Variants in HROB observed in about 807,000 individuals in gnomAD.
HROB encodes the protein homologous recombination OB-fold protein.
Under a neutral mutation model 61.0 loss-of-function variants are expected in HROB, and 44 were observed. The observed-to-expected ratio is 0.72, with a 90% CI of 0.57 to 0.93. HROB has a LOEUF of 0.93. Ranked by LOEUF, HROB falls within the 40% of genes least tolerant of loss-of-function variation. The pLI, the probability that HROB is intolerant of heterozygous loss-of-function variation, is 0.00. For missense variants in HROB, 716 were observed against 796.2 expected (o/e 0.90, Z 1.21); for synonymous variants, 301 against 310.4 (o/e 0.97, Z 0.32).
At chr17:44,144,761 A>G (rs1390545210) in intron 1 of HROB, among the ~76,000 whole-genome samples, 1 of 109,468 alleles carries the variant, frequency 9.1e-6, no homozygotes, top group East Asian at 3.1e-4. Flanking sequence ...TTTTTTTTTG[A>G]TACAGACTCA....
chr17:44,144,565 C>G (rs111635923), intron 1 of HROB, among the ~76,000 whole-genome samples: 2 of 151,848 alleles, frequency 1.3e-5, no homozygotes, highest in Non-Finnish European at 2.9e-5. Flanking sequence ...CATGAGCCAC[C>G]GTGCCTGGCA....
At chr17:44,158,449 C>A (rs139915335) in intron 9 of HROB, among the ~76,000 whole-genome samples, 1 of 152,150 alleles carries the variant, frequency 6.6e-6, no homozygotes, top group Non-Finnish European at 1.5e-5. Flanking sequence ...CCAGGTGAAA[C>A]TAACACCATT....
At chr17:44,161,579 G>T (rs894578635) in intron 9 of HROB, among the ~76,000 whole-genome samples, 1 of 152,212 alleles carries the variant, frequency 6.6e-6, no homozygotes, top group African/African-American at 2.4e-5. Context: ...TTGGCACTAT[G>T]ACTGGATGGA....
At chr17:44,158,553 G>A (rs1464589673) in intron 9 of HROB, among the ~76,000 whole-genome samples, 1 of 151,872 alleles carries the variant, frequency 6.6e-6, no homozygotes, top group Non-Finnish European at 1.5e-5. Flanking sequence ...TTATGAACAC[G>A]CCTCACTGCA....
Position 44,162,215 on chromosome 17 carries a change from C to A in HROB, c.*283C>A. 2.5e-6 allele frequency: 1 copy of A among 402,236 alleles called. No individual in the cohort carries two copies. 24.9% of individuals were successfully genotyped at this position (402,236 alleles called of 1,614,324 possible). On this transcript the variant is annotated 3_prime_UTR_variant, in exon 10 of 10. Coordinates refer to ENST00000585683, the MANE Select transcript of HROB (RefSeq NM_001171251.3). Reference sequence around the variant, plus strand: ...CCTCGCCTTGGGTGTCCCTCTCCTGCCTCAGCTTAATTTTAGAGGATATTG... The same window carrying A: ...CCTCGCCTTGGGTGTCCCTCTCCTGACTCAGCTTAATTTTAGAGGATATTG...
At chr17:44,161,729 C>A in intron 9 of HROB, 142 bp from the exon 10 acceptor site, 1 of 808,382 alleles carries the variant, frequency 1.2e-6, no homozygotes, top group Non-Finnish European at 2.1e-6. Context: ...GGCCCATTGG[C>A]ATGGGTACCA....
intron 9 of HROB, among the ~76,000 whole-genome samples, chr17:44,159,835 A>G (rs2054080927): frequency 1.3e-5 from 2 of 152,250 alleles, no homozygotes; most frequent in Admixed American, 1.3e-4. Flanking sequence ...AGAACCAGGT[A>G]TACAGGCGGA....
At chr17:44,159,649 T>C (rs1027483222) in intron 9 of HROB, among the ~76,000 whole-genome samples, 1 of 152,214 alleles carries the variant, frequency 6.6e-6, no homozygotes, top group Non-Finnish European at 1.5e-5. Context: ...TCTCAAAAGA[T>C]TGATAAAGTC....
intron 2 of HROB, among the ~76,000 whole-genome samples, chr17:44,145,529 C>G (rs916884272): frequency 6.6e-6 from 1 of 152,198 alleles, no homozygotes; most frequent in African/African-American, 2.4e-5. Context: ...TAATTCACCT[C>G]TATGATAACA....
intron 9 of HROB, among the ~76,000 whole-genome samples, chr17:44,158,302 A>T (rs538478562): frequency 6.6e-6 from 1 of 152,150 alleles, no homozygotes; most frequent in East Asian, 1.9e-4. Context: ...CAGATTTCCC[A>T]TCCTGAGTAA....
chr17:44,141,982 G>T lies in HROB; in HGVS notation c.-161G>T. ...AGGCGCCTGCCGCCAGTCTCCTGGC[G>T]ACTTTCCCTATATCGCAGAGACTCA... is the stretch of plus-strand genomic sequence containing the variant. On this transcript the variant is annotated 5_prime_UTR_variant, in exon 1 of 10. Coordinates refer to ENST00000585683, the MANE Select transcript of HROB (RefSeq NM_001171251.3). The T allele has an allele frequency of 9.7e-7, 1 of 1,033,696 alleles. No individual in the cohort carries two copies. Among genetic ancestry groups the T allele is most frequent in the South Asian group, 1.6e-5 (1 of 61,408 alleles). The allele number at this position is 1,033,696 out of a possible 1,614,324, so 64.0% of individuals were successfully genotyped here. A position where few individuals can be genotyped will look rare whatever the true frequency, so the allele number is the denominator to read the frequency against.
rs149095177 is a variant in HROB, at chr17:44,148,155, A to T, written c.352A>T (p.Thr118Ser). The change falls in exon 3 of 10, where the codon ACA becomes TCA. Residue 118 changes from threonine (T) to serine (S), a missense_variant. By Grantham distance (58) the Thr-to-Ser change is moderately conservative (BLOSUM62 1). Transcript: ENST00000585683. ...SSWIGNQRRV[T>S]VTEVLRETAR... is the part of the protein sequence containing the mutation. ...CTGGATTGGCAATCAGAGAAGAGTG[A>T]CAGTGACAGAAGTGCTCAGAGAGAC... 11 of 1,614,104 alleles carry T rather than the reference A, an allele frequency of 6.8e-6. No homozygotes were observed. The highest frequency in any genetic ancestry group is 1.3e-5 in the African/African-American group (1 of 74,940).
chr17:44,161,749 G>A, intron 9 of HROB, 122 bp from the exon 10 acceptor site: 2 of 1,036,042 alleles, frequency 1.9e-6, no homozygotes, highest in Non-Finnish European at 3.0e-6. Context: ...ACTGCCTGGA[G>A]GAGCCGCCTG....
intron 5 of HROB, 50 bp from the exon 6 acceptor site, chr17:44,154,506 G>A (rs768949975): frequency 3.1e-6 from 5 of 1,592,054 alleles, no homozygotes; most frequent in Non-Finnish European, 4.3e-6. Context: ...GACCTGGGAA[G>A]TCACAAGTGG....
intron 1 of HROB, among the ~76,000 whole-genome samples, chr17:44,142,509 C>T (rs1960501479): frequency 1.3e-5 from 2 of 150,394 alleles, no homozygotes; most frequent in African/African-American, 2.5e-5. Flanking sequence ...TTCTGTCGCC[C>T]AGGCTGGAGT....
At chr17:44,142,901 T>C (rs2053496968) in intron 1 of HROB, among the ~76,000 whole-genome samples, 1 of 152,120 alleles carries the variant, frequency 6.6e-6, no homozygotes, top group Admixed American at 6.6e-5. Context: ...GCAAAATCCT[T>C]AGGCCCAAGC....
At chr17:44,151,389 C>T (rs2053800052) in intron 4 of HROB, among the ~76,000 whole-genome samples, 1 of 152,162 alleles carries the variant, frequency 6.6e-6, no homozygotes, top group Non-Finnish European at 1.5e-5. Context: ...TTTCTGAGAA[C>T]TGAGCTGGGA....
At position 44,152,878 on chromosome 17, in the gene HROB, C is replaced by T. The variant is rs150182735; in HGVS notation, c.1449+101C>T. On this transcript the variant is annotated intron_variant, in intron 5 of 9. Transcript: ENST00000585683. ...CTTAGGAAGGGGCTGTTTGCTCCCTCGTACCCTATACAAGTAGCAGCACGA... is the reference window on the plus strand; with the variant it reads ...CTTAGGAAGGGGCTGTTTGCTCCCTTGTACCCTATACAAGTAGCAGCACGA... 4.8e-3 allele frequency: 6,735 copies of T among 1,410,536 alleles called. 24 individuals are homozygous for T. The highest frequency in any genetic ancestry group is 5.8e-3 in the Non-Finnish European group (6,044 of 1,038,640). The allele number at this position is 1,410,536 out of a possible 1,614,324, so 87.4% of individuals were successfully genotyped here.
At chr17:44,152,225 C>T (rs971259969) in intron 4 of HROB, among the ~76,000 whole-genome samples, 1 of 152,034 alleles carries the variant, frequency 6.6e-6, no homozygotes, top group African/African-American at 2.4e-5. Flanking sequence ...GGTGATCCAC[C>T]CGCCTCGGCC....
Sources: allele counts gnomAD v4.1 joint callset (sites outside exome capture counted in the v4.1 genomes callset), GRCh38; gene constraint gnomAD v4.1.1; transcripts MANE v1.5; gene names NCBI Gene and HGNC (gene_info 2026-07-23, HGNC 2026-07-21).